The following DPP6 variants were observed in gnomAD, a reference collection of about 807,000 sequenced individuals.
DPP6 encodes dipeptidyl peptidase like 6.
A neutral mutation model predicts 122.6 loss-of-function variants in DPP6; 69 were observed. The observed-to-expected ratio is 0.56, with a 90% CI of 0.46 to 0.69. The LOEUF (loss-of-function observed/expected upper bound fraction) is 0.69. DPP6 is among the 30% of genes least tolerant of loss of function. The pLI is 0.00. For missense variants in DPP6, 928 were observed against 1,116.9 expected (o/e 0.83, Z 2.41); for synonymous variants, 418 against 433.1 (o/e 0.97, Z 0.43).
intron 1 of DPP6, among the ~76,000 whole-genome samples, chr7:154,324,272 C>G (rs548001334): frequency 1.3e-5 from 2 of 152,200 alleles, no homozygotes; most frequent in Non-Finnish European, 1.5e-5. Flanking sequence ...CTTTCTGCTC[C>G]GGTACCCTTT....
At chr7:154,382,333 C>T (rs971809207) in intron 1 of DPP6, among the ~76,000 whole-genome samples, 1 of 152,076 alleles carries the variant, frequency 6.6e-6, no homozygotes, top group Non-Finnish European at 1.5e-5. Context: ...CACAAGCTTG[C>T]GCCACCACAG....
intron 1 of DPP6, among the ~76,000 whole-genome samples, chr7:154,410,788 T>A (rs565439012): frequency 3.3e-5 from 5 of 152,246 alleles, no homozygotes; most frequent in African/African-American, 1.2e-4. Flanking sequence ...AGAATTAAAT[T>A]TGGTGTTTTC....
At chr7:154,779,102 ACCACCC>A (rs1445921682) in intron 10 of DPP6, among the ~76,000 whole-genome samples, 2 of 144,448 alleles carry the variant, frequency 1.4e-5, no homozygotes, top group Non-Finnish European at 3.0e-5. Flanking sequence ...TACCACCACC[ACCACCC>A]CCACCATCAC....
At chr7:153,958,376 G>A (rs1795166954) in intron 1 of DPP6, among the ~76,000 whole-genome samples, 1 of 152,106 alleles carries the variant, frequency 6.6e-6, no homozygotes, top group Admixed American at 6.5e-5. Flanking sequence ...TAGAGAACAG[G>A]GAGGACCCCA....
At chr7:153,772,459 T>G in the DPP6 span, among the ~76,000 whole-genome samples, 1 of 151,744 alleles carries the variant, frequency 6.6e-6, no homozygotes, top group East Asian at 1.9e-4. Flanking sequence ...CAACCACCAA[T>G]AAAATGTGTA....
intron 1 of DPP6, among the ~76,000 whole-genome samples, chr7:154,166,076 T>C (rs577379750): frequency 6.6e-6 from 1 of 152,314 alleles, no homozygotes; most frequent in African/African-American, 2.4e-5. Flanking sequence ...TATTCTTCAA[T>C]AGTTTAAAGG....
rs1380387738 is a variant in DPP6 at position 154,174,159 on chromosome 7, T to A, written c.243+121096T>A. 2.6e-5 allele frequency among the ~76,000 whole-genome samples: 4 copies of A among 152,352 alleles called. No homozygotes were observed. The East Asian group carries it at 7.7e-4, about 29-fold the overall frequency. ...GACCGGGGGACCTGAGTCACACCAC[T>A]TTGATTAATGCCAGCTCCACCACGC... On this transcript the variant is annotated intron_variant, in intron 1 of 25. Coordinates refer to ENST00000377770, the MANE Select transcript of DPP6 (RefSeq NM_130797.4).
chr7:154,724,312 C>T (rs1287420426), intron 7 of DPP6, among the ~76,000 whole-genome samples: 1 of 152,172 alleles, frequency 6.6e-6, no homozygotes. Flanking sequence ...AGATGGTTCT[C>T]TATCACCCAG....
the DPP6 span, among the ~76,000 whole-genome samples, chr7:153,815,244 A>G: frequency 6.6e-6 from 1 of 152,204 alleles, no homozygotes; most frequent in African/African-American, 2.4e-5. Context: ...TTAAACTGAT[A>G]AGCAACTTCA....
At chr7:154,344,089 T>C (rs1286876903) in intron 1 of DPP6, among the ~76,000 whole-genome samples, 5 of 152,182 alleles carry the variant, frequency 3.3e-5, no homozygotes, top group Admixed American at 6.5e-5. Flanking sequence ...TGATGAAAGG[T>C]AGGCAGGAGG....
At chr7:154,269,413 C>T (rs780112362) in intron 1 of DPP6, among the ~76,000 whole-genome samples, 12 of 152,132 alleles carry the variant, frequency 7.9e-5, no homozygotes, top group Non-Finnish European at 1.5e-4. Context: ...ATGTCAGGTA[C>T]GTAGTCAGTG....
At chr7:154,471,554 C>G (rs1822278679) in intron 2 of DPP6, among the ~76,000 whole-genome samples, 1 of 151,952 alleles carries the variant, frequency 6.6e-6, no homozygotes, top group African/African-American at 2.4e-5. Context: ...GGGCTCCAGC[C>G]TAAATGACCA....
chr7:154,657,085 T>C (rs1276393580), intron 6 of DPP6, among the ~76,000 whole-genome samples: 1 of 45,060 alleles, frequency 2.2e-5, no homozygotes, highest in South Asian at 1.2e-3. Flanking sequence ...GAGGAGGTGC[T>C]CATGGGTGGG....
intron 8 of DPP6, among the ~76,000 whole-genome samples, chr7:154,743,392 C>A (rs1379817650): frequency 6.6e-6 from 1 of 152,138 alleles, no homozygotes; most frequent in Non-Finnish European, 1.5e-5. Flanking sequence ...TCAGATGGTG[C>A]AAGGACAGGA....
intron 10 of DPP6, 40 bp downstream of exon 10, chr7:154,772,982 A>C: frequency 7.6e-7 from 1 of 1,314,836 alleles, no homozygotes; most frequent in African/African-American, 1.5e-5. Flanking sequence ...AAAAAAAAAA[A>C]CTAAGATGAA....
At chr7:154,313,716 C>CATATATACATATATATATACGCAT (rs1563460534) in intron 1 of DPP6, among the ~76,000 whole-genome samples, 1 of 22,304 alleles carries the variant, frequency 4.5e-5, no homozygotes, top group African/African-American at 1.1e-4. Flanking sequence ...TATATATATA[C>CATATATACATATATATATACGCAT]ACACACACGC....
At position 154,376,883 on chromosome 7, in the gene DPP6, C is replaced by T. The variant is rs751827295; in HGVS notation, c.244-69331C>T. On this transcript the variant is annotated intron_variant, in intron 1 of 25. Transcript: ENST00000377770. ...TAATAAGAGGAGAAATTGTTTGGTA[C>T]AGTAGAAATCATATAGTTTCCCAGC... is the stretch of plus-strand genomic sequence containing the variant. Among the ~76,000 whole-genome samples the T allele has an allele frequency of 6.6e-5, 10 of 152,266 alleles. 1 individual carries two copies. The South Asian group carries it at 2.1e-3, about 32-fold the overall frequency.
At chr7:153,830,265 G>A in the DPP6 span, among the ~76,000 whole-genome samples, 1 of 152,138 alleles carries the variant, frequency 6.6e-6, no homozygotes, top group African/African-American at 2.4e-5. Context: ...AAATAACTTA[G>A]GAAGAAATAT....
the DPP6 span, among the ~76,000 whole-genome samples, chr7:153,762,489 C>G: frequency 5.9e-5 from 9 of 151,988 alleles, no homozygotes; most frequent in Non-Finnish European, 1.0e-4. Context: ...AGACTCTACC[C>G]GCCTGGCGCG....
Sources: allele counts gnomAD v4.1 joint callset (sites outside exome capture counted in the v4.1 genomes callset), GRCh38; gene constraint gnomAD v4.1.1; transcripts MANE v1.5; gene names NCBI Gene and HGNC (gene_info 2026-07-23, HGNC 2026-07-21).